The following RGS6 variants were observed in gnomAD, a reference collection of about 807,000 sequenced individuals.
RGS6 encodes the protein regulator of G protein signaling 6, also known as regulator of G-protein signaling 6.
RGS6 carries 30 observed loss-of-function variants against 78.5 expected under a neutral mutation model. The ratio of observed to expected loss-of-function variants is 0.38; its 90% CI spans 0.29 to 0.52. The LOEUF (loss-of-function observed/expected upper bound fraction) is 0.52, where lower values mean the gene tolerates loss of function less well. RGS6 is among the 20% of genes least tolerant of loss of function. The pLI is 0.85. For missense variants in RGS6, 495 were observed against 609.7 expected (o/e 0.81, Z 1.98); for synonymous variants, 206 against 206.0 (o/e 1.00, Z 0.00).
chr14:72,472,508 GTA>G (rs945547866), intron 8 of RGS6, among the ~76,000 whole-genome samples: 1 of 152,218 alleles, frequency 6.6e-6, no homozygotes, highest in African/African-American at 2.4e-5. Context: ...TGTATATGCA[GTA>G]TCCTTTTTGA....
intron 2 of RGS6, among the ~76,000 whole-genome samples, chr14:71,982,861 G>A (rs943062714): frequency 6.6e-6 from 1 of 152,144 alleles, no homozygotes; most frequent in African/African-American, 2.4e-5. Context: ...CATCAGGAGG[G>A]TGTTTCTGAA....
chr14:72,367,911 C>A (rs1038495086), intron 3 of RGS6, among the ~76,000 whole-genome samples: 4 of 152,170 alleles, frequency 2.6e-5, no homozygotes, highest in African/African-American at 9.7e-5. Context: ...TGACTCTGAT[C>A]TTCTGAGATT....
chr14:72,012,020 T>C (rs548531291), intron 2 of RGS6, among the ~76,000 whole-genome samples: 1 of 152,350 alleles, frequency 6.6e-6, no homozygotes, highest in Admixed American at 6.5e-5. Flanking sequence ...TATTCATGTT[T>C]GGAAATCTGT....
intron 3 of RGS6, among the ~76,000 whole-genome samples, chr14:72,355,604 C>T (rs1386077553): frequency 6.6e-6 from 1 of 152,126 alleles, no homozygotes; most frequent in Non-Finnish European, 1.5e-5. Flanking sequence ...GTTCTACCCT[C>T]ATGGAATTTA....
At chr14:71,879,754 A>G in the RGS6 span, among the ~76,000 whole-genome samples, 1 of 152,234 alleles carries the variant, frequency 6.6e-6, no homozygotes, top group African/African-American at 2.4e-5. Context: ...TTTTCTTTAT[A>G]AATTACCCAG....
At chr14:72,177,458 C>G (rs2097121287) in intron 2 of RGS6, among the ~76,000 whole-genome samples, 1 of 152,070 alleles carries the variant, frequency 6.6e-6, no homozygotes, top group Admixed American at 6.6e-5. Context: ...AAGCATGGCA[C>G]CAGTCCAACC....
chr14:72,619,371 C>A, the RGS6 span: 5 of 1,536,110 alleles, frequency 3.3e-6, no homozygotes, highest in Non-Finnish European at 4.4e-6. Flanking sequence ...CAGCTTCCTG[C>A]AAGAAATGAG....
intron 2 of RGS6, among the ~76,000 whole-genome samples, chr14:72,173,045 G>C (rs1181099263): frequency 6.6e-6 from 1 of 152,164 alleles, no homozygotes; most frequent in Non-Finnish European, 1.5e-5. Context: ...TGATTTGAGA[G>C]GATCTCAGTC....
intron 3 of RGS6, among the ~76,000 whole-genome samples, chr14:72,415,694 A>G (rs2153078841): frequency 6.6e-6 from 1 of 152,348 alleles, no homozygotes; most frequent in African/African-American, 2.4e-5. Context: ...CCCCCCGGCA[A>G]CTGCCTATTG....
intron 2 of RGS6, among the ~76,000 whole-genome samples, chr14:72,265,649 C>T (rs529148897): frequency 3.9e-4 from 59 of 152,292 alleles, no homozygotes; most frequent in African/African-American, 1.3e-3. Flanking sequence ...ATAATATTCA[C>T]GGAGAGCCAA....
intron 2 of RGS6, among the ~76,000 whole-genome samples, chr14:72,348,968 C>T (rs548928865): frequency 3.9e-5 from 6 of 152,204 alleles, no homozygotes; most frequent in East Asian, 3.9e-4. Flanking sequence ...AGATCGAGAC[C>T]ATCCTGGCTA....
intron 2 of RGS6, among the ~76,000 whole-genome samples, chr14:72,003,387 G>A (rs1044711147): frequency 8.6e-5 from 13 of 151,990 alleles, no homozygotes; most frequent in Non-Finnish European, 1.6e-4. Flanking sequence ...TGTACGGTTC[G>A]GTGGCACTAA....
At chr14:72,452,239 T>C (rs2095514248) in intron 3 of RGS6, among the ~76,000 whole-genome samples, 2 of 152,012 alleles carry the variant, frequency 1.3e-5, no homozygotes, top group East Asian at 3.9e-4. Flanking sequence ...TCTCTCTCTC[T>C]CTCTCTCTCT....
chr14:72,385,752 G>T (rs1003866901), intron 3 of RGS6, among the ~76,000 whole-genome samples: 1 of 152,150 alleles, frequency 6.6e-6, no homozygotes, highest in Non-Finnish European at 1.5e-5. Flanking sequence ...CCTGTGTTTA[G>T]CCTTGACTTT....
chr14:72,179,408 G>C (rs896435842), intron 2 of RGS6, among the ~76,000 whole-genome samples: 3 of 152,132 alleles, frequency 2.0e-5, no homozygotes, highest in African/African-American at 7.2e-5. Context: ...TTATAATAGT[G>C]CCTGGCACAT....
the RGS6 span, among the ~76,000 whole-genome samples, chr14:72,599,092 C>T: frequency 6.6e-6 from 1 of 152,340 alleles, no homozygotes; most frequent in Middle Eastern, 3.4e-3. Flanking sequence ...AAGCCTCCAC[C>T]TCAGTTCTCC....
intron 13 of RGS6, among the ~76,000 whole-genome samples, chr14:72,509,257 C>A (rs150407076): frequency 5.6e-4 from 85 of 151,256 alleles, no homozygotes; most frequent in African/African-American, 1.9e-3. Flanking sequence ...CCCCGCTATT[C>A]GGGAGGCTGA....
chr14:72,459,453 G>C (rs925418152), intron 5 of RGS6, among the ~76,000 whole-genome samples, 179 bp from the exon 6 acceptor site: 2 of 152,168 alleles, frequency 1.3e-5, no homozygotes, highest in African/African-American at 4.8e-5. Context: ...GCTTCTCAAT[G>C]CCTAGGTTAA....
intron 2 of RGS6, among the ~76,000 whole-genome samples, chr14:72,351,715 G>A (rs1596141766): frequency 6.6e-6 from 1 of 152,092 alleles, no homozygotes; most frequent in East Asian, 1.9e-4. Flanking sequence ...AAGGGGTGGG[G>A]GTTGAATATA....
Sources: gnomAD v4.1 joint callset for allele counts (sites outside exome capture counted in the v4.1 genomes callset) on GRCh38, gnomAD v4.1.1 for gene constraint, MANE v1.5 for transcripts, NCBI Gene and HGNC (gene_info 2026-07-23, HGNC 2026-07-21) for gene names.